MCPH1: variants seen among roughly 807,000 people sequenced by gnomAD.
The protein encoded by MCPH1 is microcephalin.
A neutral mutation model predicts 84.5 loss-of-function variants in MCPH1; 104 were observed. The observed-to-expected ratio is 1.23, with a 90% CI of 1.05 to 1.45. The LOEUF (loss-of-function observed/expected upper bound fraction) is 1.45, where lower values mean the gene tolerates loss of function less well. MCPH1 is among the 40% of genes most tolerant of loss of function. The pLI is 0.00. For missense variants in MCPH1, 1,498 were observed against 1,005.7 expected (o/e 1.49, Z -6.62); for synonymous variants, 514 against 366.8 (o/e 1.40, Z -4.58).
intron 10 of MCPH1, among the ~76,000 whole-genome samples, 170 bp from the exon 11 acceptor site, chr8:6,480,544 C>G (rs1372824732): frequency 6.6e-6 from 1 of 152,134 alleles, no homozygotes; most frequent in Non-Finnish European, 1.5e-5. Flanking sequence ...TTTATTTCCC[C>G]AGGTTTCAAA....
At chr8:6,478,577 T>C (rs1808775050) in intron 10 of MCPH1, among the ~76,000 whole-genome samples, 1 of 152,168 alleles carries the variant, frequency 6.6e-6, no homozygotes, top group African/African-American at 2.4e-5. Flanking sequence ...ATGGACTTCT[T>C]GTGATACTTA....
chr8:6,512,473 C>G (rs1264987413), intron 12 of MCPH1, among the ~76,000 whole-genome samples: 1 of 152,180 alleles, frequency 6.6e-6, no homozygotes, highest in East Asian at 1.9e-4. Context: ...TTGCTAATTT[C>G]TGACCTCAAA....
intron 12 of MCPH1, among the ~76,000 whole-genome samples, chr8:6,564,812 A>C (rs1473086375): frequency 6.6e-6 from 1 of 152,226 alleles, no homozygotes; most frequent in African/African-American, 2.4e-5. Context: ...CAATACTCAG[A>C]ACTACATTTT....
At chr8:6,568,036 CTCTGTGGAACTGTCTCAAGT>C (rs1312893605) in intron 12 of MCPH1, among the ~76,000 whole-genome samples, 5 of 152,210 alleles carry the variant, frequency 3.3e-5, no homozygotes, top group Non-Finnish European at 5.9e-5. Context: ...CCCATGTGTT[CTCTGTGGAACTGTCTCAAGT>C]TCTTATTACC....
chr8:6,576,164 G>A (rs2922847), intron 12 of MCPH1, among the ~76,000 whole-genome samples: 4 of 152,024 alleles, frequency 2.6e-5, no homozygotes, highest in Non-Finnish European at 5.9e-5. Flanking sequence ...ACCTCAGGAG[G>A]GGGTGAAAAA....
chr8:6,578,962 A>G lies in MCPH1; in HGVS notation c.2215-42492A>G, dbSNP rs1827332801. 2.6e-5 allele frequency among the ~76,000 whole-genome samples: 4 copies of G among 152,176 alleles called. No homozygotes were observed. In the South Asian group the frequency reaches 8.3e-4, roughly 32 times the overall value. ...CGTTCATAAATGGCCTGGAAATCCTAGCATTGGGCCAGCCATCCAGAACAG... is the reference window on the plus strand; with the variant it reads ...CGTTCATAAATGGCCTGGAAATCCTGGCATTGGGCCAGCCATCCAGAACAG... On this transcript the variant is annotated intron_variant, in intron 12 of 13. Coordinates refer to ENST00000344683, the MANE Select transcript of MCPH1 (RefSeq NM_024596.5).
rs371955566 is a variant in MCPH1, at chr8:6,476,857, A to T, written c.1936-737A>T. On this transcript the variant is annotated intron_variant, in intron 9 of 13. Transcript: ENST00000344683. ...AATTCATTTTTGTTTATATATGTAT[A>T]TGCATGCATACACATACACACACAC... Among the ~76,000 whole-genome samples, 53 of 152,336 alleles carry T rather than the reference A, an allele frequency of 3.5e-4. No individual in the cohort carries two copies. In the South Asian group the frequency reaches 8.5e-3, roughly 24 times the overall value.
chr8:6,622,835 T>C (rs1365005114), intron 13 of MCPH1, among the ~76,000 whole-genome samples: 2 of 151,404 alleles, frequency 1.3e-5, no homozygotes, highest in Non-Finnish European at 2.9e-5. Flanking sequence ...TGGCATACTT[T>C]TATTTGCTTT....
chr8:6,494,516 C>G (rs557758220), intron 11 of MCPH1: 1 of 152,136 alleles, frequency 6.6e-6, no homozygotes, highest in Non-Finnish European at 1.5e-5. Context: ...AAATAAAGTA[C>G]TCAGTAAACA....
rs575911787 is a variant in MCPH1 at position 6,482,517 on chromosome 8, G to C, written c.2136+1641G>C. Among the ~76,000 whole-genome samples the C allele has an allele frequency of 3.9e-5, 6 of 152,266 alleles. No individual in the cohort carries two copies. In the South Asian group the frequency reaches 1.0e-3, roughly 26 times the overall value. On this transcript the variant is annotated intron_variant, in intron 11 of 13. Coordinates refer to ENST00000344683, the MANE Select transcript of MCPH1 (RefSeq NM_024596.5). ...TCAAATCGTCTCTGTGTCTTCATCT[G>C]ACTACTCTCCCTTCCCTCAGGTTTT...
At chr8:6,515,321 C>T (rs1816042731) in intron 12 of MCPH1, among the ~76,000 whole-genome samples, 1 of 152,130 alleles carries the variant, frequency 6.6e-6, no homozygotes, top group African/African-American at 2.4e-5. Context: ...CCTTTATGTG[C>T]AATACTAATC....
At chr8:6,513,491 C>A (rs1815611579) in intron 12 of MCPH1, among the ~76,000 whole-genome samples, 1 of 152,084 alleles carries the variant, frequency 6.6e-6, no homozygotes, top group South Asian at 2.1e-4. Flanking sequence ...CACCACCACA[C>A]CTGGCTAATT....
At chr8:6,592,074 A>G (rs1828501443) in intron 12 of MCPH1, among the ~76,000 whole-genome samples, 1 of 152,180 alleles carries the variant, frequency 6.6e-6, no homozygotes, top group African/African-American at 2.4e-5. Flanking sequence ...CATGAAAGCA[A>G]ATAGAGAACA....
chr8:6,568,697 T>C (rs1489196521), intron 12 of MCPH1, among the ~76,000 whole-genome samples: 2 of 152,240 alleles, frequency 1.3e-5, no homozygotes, highest in Non-Finnish European at 2.9e-5. Context: ...CCTGCATTTA[T>C]ACGGCATTTT....
intron 11 of MCPH1, among the ~76,000 whole-genome samples, chr8:6,492,958 C>G (rs1810820182): frequency 6.6e-6 from 1 of 151,906 alleles, no homozygotes; most frequent in Non-Finnish European, 1.5e-5. Flanking sequence ...TGCTTTTGCC[C>G]TTAATGTGAA....
chr8:6,468,000 C>G (rs567306351), intron 9 of MCPH1, among the ~76,000 whole-genome samples: 2 of 152,146 alleles, frequency 1.3e-5, no homozygotes, highest in African/African-American at 2.4e-5. Context: ...ATATTTTTCC[C>G]CAAGTTCAGC....
chr8:6,635,309 AC>A (rs1188552664), intron 13 of MCPH1: 3 of 152,240 alleles, frequency 2.0e-5, no homozygotes, highest in Non-Finnish European at 2.9e-5. Context: ...CAGAAAAAGC[AC>A]CCGTGGACAG....
intron 12 of MCPH1, among the ~76,000 whole-genome samples, chr8:6,564,796 C>T (rs118100309): frequency 6.6e-6 from 1 of 152,168 alleles, no homozygotes; most frequent in Non-Finnish European, 1.5e-5. Context: ...TTTTTATTTG[C>T]TGCCACAATA....
chr8:6,435,938 T>G, intron 4 of MCPH1, 110 bp from the exon 5 acceptor site: 3 of 1,339,232 alleles, frequency 2.2e-6, no homozygotes, highest in Non-Finnish European at 3.1e-6. Context: ...TCTTTTAGAA[T>G]TTTTTATTAC....
Sources: allele counts gnomAD v4.1 joint callset (sites outside exome capture counted in the v4.1 genomes callset), GRCh38; gene constraint gnomAD v4.1.1; transcripts MANE v1.5; gene names NCBI Gene and HGNC (gene_info 2026-07-23, HGNC 2026-07-21).